VARS1: variants seen among roughly 807,000 people sequenced by gnomAD.
VARS1 encodes the protein valyl-tRNA synthetase 1.
VARS1 carries 92 observed loss-of-function variants against 161.0 expected under a neutral mutation model. The observed-to-expected ratio is 0.57, with a 90% CI of 0.48 to 0.68. The LOEUF (loss-of-function observed/expected upper bound fraction) is 0.68, where lower values mean the gene tolerates loss of function less well. Ranked by LOEUF, VARS1 falls within the 30% of genes least tolerant of loss-of-function variation. VARS1 has a pLI of 0.00. For synonymous variants in VARS1, 595 were observed against 682.5 expected (o/e 0.87, Z 2.00); for missense variants, 1,338 against 1,695.9 (o/e 0.79, Z 3.71).
chr6:31,791,755 T>C lies in VARS1; in HGVS notation c.973-18A>G. On this transcript the variant is annotated intron_variant, in intron 7 of 29. Transcript: ENST00000375663. This position sits in a 1 kb window ranked among gnomAD's most constrained non-coding sequence, Gnocchi z 5.0. ...TTAGGACGCTGATGGTGGAGAAGGA[T>C]GGCACATGTTTAAGGCCTCAGGTCA... 4.3e-6 allele frequency: 7 copies of C among 1,613,014 alleles called. No homozygotes were observed. The highest frequency in any genetic ancestry group is 5.9e-6 in the Non-Finnish European group (7 of 1,179,988).
In VARS1 at chr6:31,792,811, C is replaced by T. The variant is rs764924414; in HGVS notation, c.607G>A (p.Val203Met). ...TCVRQPEFRAVLGEVVLYSGA... is the reference protein window; with the variant it reads ...TCVRQPEFRAMLGEVVLYSGA... ...GAGTATAGAACCACTTCTCCTAGCA[C>T]GGCTCGGAATTCTGGCTGCCGGACA... The change falls in exon 4 of 30, where the codon GTG becomes ATG. Residue 203 changes from valine (V) to methionine (M), a missense_variant. Transcript: ENST00000375663. 6.8e-6 allele frequency: 11 copies of T among 1,614,076 alleles called. No individual in the cohort carries two copies. The highest frequency in any genetic ancestry group is 1.7e-5 in the Admixed American group (1 of 60,002).
In VARS1 at chr6:31,784,108, C is replaced by T; in HGVS notation, c.1671+106G>A. 7.8e-7 allele frequency: 1 copy of T among 1,287,314 alleles called. No individual in the cohort carries two copies. Among genetic ancestry groups the T allele is most frequent in the East Asian group, 2.3e-5 (1 of 43,332 alleles). 79.7% of individuals were successfully genotyped at this position (1,287,314 alleles called of 1,614,324 possible). On this transcript the variant is annotated intron_variant, in intron 13 of 29. Coordinates refer to ENST00000375663, the MANE Select transcript of VARS1 (RefSeq NM_006295.3). This position sits in a 1 kb window ranked among gnomAD's most constrained non-coding sequence, Gnocchi z 6.1. ...AGAAGCTGAAGACCAGTTTCTAACC[C>T]AGTTTCCTCTCCTCAGCCAGGGGCC... is the stretch of plus-strand genomic sequence containing the variant.
At position 31,778,800 on chromosome 6, in the gene VARS1, C is replaced by T. The variant is rs1384864531; in HGVS notation, c.3726+167G>A. The T allele has an allele frequency of 2.1e-6, 2 of 944,406 alleles. No homozygotes were observed. The highest frequency in any genetic ancestry group is 1.6e-6 in the Non-Finnish European group (1 of 644,808). 58.5% of individuals were successfully genotyped at this position (944,406 alleles called of 1,614,324 possible). The stretch of plus-strand genomic sequence containing the variant: ...GGGATTACAGGTGTGAGCCACTGAG[C>T]CAGGCTGTTTTGTTTTTTAAGGCTA... On this transcript the variant is annotated intron_variant, in intron 29 of 29. Transcript: ENST00000375663. This position sits in a 1 kb window ranked among gnomAD's most constrained non-coding sequence, Gnocchi z 5.1.
intron 6 of VARS1, 29 bp downstream of exon 6, chr6:31,792,188 A>T (rs760929246): frequency 1.2e-5 from 20 of 1,608,712 alleles, no homozygotes; most frequent in Non-Finnish European, 1.7e-5. Context: ...GGGGCTGCTG[A>T]GGGGTGAGCC....
In VARS1 at chr6:31,779,565, C is replaced by T. The variant is rs1472203591; in HGVS notation, c.3289-29G>A. 4.3e-6 allele frequency: 7 copies of T among 1,611,436 alleles called. No homozygotes were observed. Among genetic ancestry groups the T allele is most frequent in the Non-Finnish European group, 5.9e-6 (7 of 1,179,168 alleles). The stretch of plus-strand genomic sequence containing the variant: ...TGGGGTGGAGGAGGGGGTGAGGGGG[C>T]CTGGAGGGCAGGTCAGACTCCCCTC... On this transcript the variant is annotated intron_variant, in intron 27 of 29. Coordinates refer to ENST00000375663, the MANE Select transcript of VARS1 (RefSeq NM_006295.3). The surrounding 1 kb of genome is among the most constrained non-coding windows in gnomAD (Gnocchi z 9.1).
chr6:31,791,688 A>G lies in VARS1; in HGVS notation c.1022T>C (p.Ile341Thr). ...ANPRGVFMMC[I>T]PPPNVTGSLH... is the part of the protein sequence containing the mutation. ...GGAGCCTGTCACATTGGGGGGTGGG[A>G]TGCACATCATGAAGACACCTCGGGG... The change falls in exon 8 of 30, where the codon ATC becomes ACC. Residue 341 changes from isoleucine to threonine, a missense_variant. Physicochemically the swap from Ile to Thr is moderately conservative, Grantham distance 89. Transcript: ENST00000375663. This position sits in a 1 kb window ranked among gnomAD's most constrained non-coding sequence, Gnocchi z 5.0. 6.2e-7 allele frequency: 1 copy of G among 1,612,980 alleles called. No individual in the cohort carries two copies. The highest frequency in any genetic ancestry group is 8.5e-7 in the Non-Finnish European group (1 of 1,180,002).
At chr6:31,789,033 A>G (rs1813702572) in intron 8 of VARS1, among the ~76,000 whole-genome samples, 3 of 151,994 alleles carry the variant, frequency 2.0e-5, no homozygotes. Context: ...GGTTTCCAAA[A>G]ATGGTAAAGT....
At position 31,785,445 on chromosome 6, in the gene VARS1, C is replaced by CA; in HGVS notation, c.1266-119dup. On this transcript the variant is annotated intron_variant, in intron 9 of 29. Transcript: ENST00000375663. The surrounding 1 kb of genome is among the most constrained non-coding windows in gnomAD (Gnocchi z 6.1). ...CTGAAATTTACCTGGGCCCTAGAGC[C>CA]AACTGACTCTGCCTCTGTGGGAGGG... 1 of 1,534,098 alleles carries CA rather than the reference C, an allele frequency of 6.5e-7. No homozygotes were observed.
rs1053332332 is a variant in VARS1, at chr6:31,778,375, C to T, written c.3726+592G>A. ...TTGTGTGACCCTGGGTTGTGCCCAGCCCCCAGCTGCTCCCCATGTGTAAGG... is the reference window on the plus strand; with the variant it reads ...TTGTGTGACCCTGGGTTGTGCCCAGTCCCCAGCTGCTCCCCATGTGTAAGG... On this transcript the variant is annotated intron_variant, in intron 29 of 29. Coordinates refer to ENST00000375663, the MANE Select transcript of VARS1 (RefSeq NM_006295.3). The surrounding 1 kb of genome is among the most constrained non-coding windows in gnomAD (Gnocchi z 5.1). Among the ~76,000 whole-genome samples, 1 of 152,206 alleles carries T rather than the reference C, an allele frequency of 6.6e-6. No individual in the cohort carries two copies. The highest frequency in any genetic ancestry group is 1.5e-5 in the Non-Finnish European group (1 of 68,030).
In VARS1 at chr6:31,791,459, A is replaced by T. The variant is rs1444188981; in HGVS notation, c.1100+151T>A. The T allele has an allele frequency of 6.1e-6, 7 of 1,140,352 alleles. No individual in the cohort carries two copies. Among genetic ancestry groups the T allele is most frequent in the Non-Finnish European group, 8.4e-6 (7 of 831,902 alleles). 70.6% of individuals were successfully genotyped at this position (1,140,352 alleles called of 1,614,324 possible). ...CTGGACTAGGAGAGGAAGCTAAATG[A>T]TCAGATTGGAATGACAGAGAGAAGT... On this transcript the variant is annotated intron_variant, in intron 8 of 29. Transcript: ENST00000375663. This position sits in a 1 kb window ranked among gnomAD's most constrained non-coding sequence, Gnocchi z 5.0.
rs1228465173 is a variant in VARS1 at position 31,793,037 on chromosome 6, G to A, written c.471C>T (p.Pro157=). 4 of 1,613,048 alleles carry A rather than the reference G, an allele frequency of 2.5e-6. No homozygotes were observed. Among genetic ancestry groups the A allele is most frequent in the Non-Finnish European group, 2.5e-6 (3 of 1,179,980 alleles). Residue 157 remains proline, a synonymous_variant, in exon 3 of 30, where the codon CCC becomes CCT. Coordinates refer to ENST00000375663, the MANE Select transcript of VARS1 (RefSeq NM_006295.3). ...RLHTYLAGEA[P]TLADLAAVTA... ...TGACAGCCGCCAGGTCAGCCAGAGT[G>A]GGGGCCTCCCCGGCCAAGTAGGTGT...
intron 8 of VARS1, among the ~76,000 whole-genome samples, chr6:31,790,099 T>C (rs1195771260): frequency 2.0e-5 from 3 of 149,138 alleles, no homozygotes; most frequent in Admixed American, 6.6e-5. Flanking sequence ...CGATAGCTGA[T>C]GAGCTAAAAA....
chr6:31,782,138 G>A lies in VARS1; in HGVS notation c.2190C>T (p.Arg730=), dbSNP rs1813196006. The stretch of plus-strand genomic sequence containing the variant: ...TGACAGTGACAAAGTAGGCTGGGAT[G>A]CGATGGCCCCACCACAGCTGCCTGG... ...CISRQLWWGH[R]IPAYFVTVSD... is the part of the protein sequence containing the mutation. The change falls in exon 18 of 30, where the codon CGC becomes CGT. Residue 730 remains arginine (R), a synonymous_variant. Transcript: ENST00000375663. The surrounding 1 kb of genome is among the most constrained non-coding windows in gnomAD (Gnocchi z 8.3). 6.2e-7 allele frequency: 1 copy of A among 1,614,012 alleles called. No individual in the cohort carries two copies. Among genetic ancestry groups the A allele is most frequent in the Non-Finnish European group, 8.5e-7 (1 of 1,179,980 alleles).
chr6:31,782,583 C>T lies in VARS1; in HGVS notation c.1938G>A (p.Glu646=). Residue 646 remains glutamate, a synonymous_variant, in exon 16 of 30, where the codon GAG becomes GAA. Coordinates refer to ENST00000375663, the MANE Select transcript of VARS1 (RefSeq NM_006295.3). This position sits in a 1 kb window ranked among gnomAD's most constrained non-coding sequence, Gnocchi z 8.3. ...ARKAVLVALK[E]RGLFRGIEDN... is the part of the protein sequence containing the mutation. ...CCTCAATGCCACGGAACAGTCCCCGCTCCTTCAGCGCCACCAGCACCGCTT... is the reference window on the plus strand; with the variant it reads ...CCTCAATGCCACGGAACAGTCCCCGTTCCTTCAGCGCCACCAGCACCGCTT... 6.2e-7 allele frequency: 1 copy of T among 1,613,094 alleles called. No homozygotes were observed. The highest frequency in any genetic ancestry group is 8.5e-7 in the Non-Finnish European group (1 of 1,180,040).
At chr6:31,792,150 T>TAGAGCAAGATAGTGGTG in intron 6 of VARS1, 67 bp downstream of exon 6, 1 of 1,581,950 alleles carries the variant, frequency 6.3e-7, no homozygotes, top group Admixed American at 1.7e-5. Flanking sequence ...AGAGCAAGAA[T>TAGAGCAAGATAGTGGTG]AGAGCAAGAT....
chr6:31,784,514 G>A lies in VARS1; in HGVS notation c.1468-12C>T, dbSNP rs1172637475. On this transcript the variant is annotated splice_polypyrimidine_tract_variant and intron_variant, in intron 11 of 29. Transcript: ENST00000375663. The surrounding 1 kb of genome is among the most constrained non-coding windows in gnomAD (Gnocchi z 6.1). Reference sequence around the variant, plus strand: ...TCCTTCTTATCCACCTGTAAAATGGGTATTTAGAGGCGTGGCCCAGGGGCC... The same window carrying A: ...TCCTTCTTATCCACCTGTAAAATGGATATTTAGAGGCGTGGCCCAGGGGCC... The A allele has an allele frequency of 6.2e-7, 1 of 1,613,936 alleles. No individual in the cohort carries two copies. Among genetic ancestry groups the A allele is most frequent in the Non-Finnish European group, 8.5e-7 (1 of 1,180,046 alleles).
chr6:31,792,011 A>G, intron 6 of VARS1, 40 bp from the exon 7 acceptor site: 1 of 1,528,646 alleles, frequency 6.5e-7, no homozygotes, highest in Non-Finnish European at 8.8e-7. Flanking sequence ...CGTGGCTGGG[A>G]GCACTCTGGG....
At position 31,782,158 on chromosome 6, in the gene VARS1, G is replaced by T. The variant is rs1813197676; in HGVS notation, c.2170C>A (p.Gln724Lys). 6.2e-7 allele frequency: 1 copy of T among 1,613,826 alleles called. No homozygotes were observed. The highest frequency in any genetic ancestry group is 1.3e-5 in the African/African-American group (1 of 74,940). ...DNIREWCISR[Q>K]LWWGHRIPAY... Reference sequence around the variant, plus strand: ...GGGATGCGATGGCCCCACCACAGCTGCCTGGAAATGCACCACTCCCTGCAA... The same window carrying T: ...GGGATGCGATGGCCCCACCACAGCTTCCTGGAAATGCACCACTCCCTGCAA... The change falls in exon 18 of 30, where the codon CAG (glutamine) becomes AAG (lysine). Residue 724 changes from glutamine (Q) to lysine (K), a missense_variant. By Grantham distance (53) the Gln-to-Lys change is moderately conservative. This residue lies in a region of VARS1 where 902 missense variants were observed against 1,090.3 expected (regional missense o/e 0.83). Transcript: ENST00000375663. This position sits in a 1 kb window ranked among gnomAD's most constrained non-coding sequence, Gnocchi z 8.3.
rs1038078573 is a variant in VARS1 at position 31,778,722 on chromosome 6, G to C, written c.3726+245C>G. On this transcript the variant is annotated intron_variant, in intron 29 of 29. Coordinates refer to ENST00000375663, the MANE Select transcript of VARS1 (RefSeq NM_006295.3). The surrounding 1 kb of genome is among the most constrained non-coding windows in gnomAD (Gnocchi z 5.1). Reference sequence around the variant, plus strand: ...AGATGGGATTTCACCATGTTGGCTGGTCTCAAACCCCTGGGCTCAAGTGAT... The same window carrying C: ...AGATGGGATTTCACCATGTTGGCTGCTCTCAAACCCCTGGGCTCAAGTGAT... 3.5e-6 allele frequency: 2 copies of C among 578,956 alleles called. No homozygotes were observed. Among genetic ancestry groups the C allele is most frequent in the Non-Finnish European group, 6.1e-6 (2 of 329,982 alleles). 35.9% of individuals were successfully genotyped at this position (578,956 alleles called of 1,614,324 possible).
Sources: gnomAD v4.1 joint callset for allele counts (sites outside exome capture counted in the v4.1 genomes callset) on GRCh38, gnomAD v4.1.1 for gene constraint, gnomAD v4.1.1 regional missense constraint, Gnocchi (gnomAD v3.1) non-coding constraint, MANE v1.5 for transcripts, NCBI Gene and HGNC (gene_info 2026-07-23, HGNC 2026-07-21) for gene names.